Variants in LIMS2 observed in about 807,000 individuals in gnomAD.
The protein encoded by LIMS2 is LIM and senescent cell antigen-like-containing domain protein 2.
In LIMS2, 30 loss-of-function variants were observed where a neutral mutation model predicts 45.3. The observed-to-expected ratio is 0.66, with a 90% CI of 0.50 to 0.90. The LOEUF (loss-of-function observed/expected upper bound fraction) is 0.90, where lower values mean the gene tolerates loss of function less well. LIMS2 is among the 40% of genes least tolerant of loss of function. LIMS2 has a pLI of 0.00. For missense variants in LIMS2, 485 were observed against 468.7 expected, an observed-to-expected ratio of 1.03 and a Z score of -0.32; for synonymous variants, 173 against 188.0, an observed-to-expected ratio of 0.92 and a Z score of 0.65.
chr2:127,641,741 G>T, intron 6 of LIMS2: 1 of 307,828 alleles, frequency 3.2e-6, no homozygotes, highest in Non-Finnish European at 6.1e-6. Flanking sequence ...CAACCCCCAG[G>T]CACTCTGGAC....
At chr2:127,645,218 A>G (rs1682835576) in intron 4 of LIMS2, among the ~76,000 whole-genome samples, 1 of 152,202 alleles carries the variant, frequency 6.6e-6, no homozygotes, top group African/African-American at 2.4e-5. Flanking sequence ...TGGGGCAATA[A>G]TCCCAGCTGC....
chr2:127,661,676 C>G (rs1379780212), intron 1 of LIMS2, among the ~76,000 whole-genome samples: 1 of 152,202 alleles, frequency 6.6e-6, no homozygotes, highest in Non-Finnish European at 1.5e-5. Flanking sequence ...CATGCCCTTC[C>G]TCAGCCCTCT....
intron 9 of LIMS2, 48 bp downstream of exon 9, chr2:127,640,022 A>T (rs879129822): frequency 6.3e-7 from 1 of 1,579,898 alleles, no homozygotes. Context: ...AAGGACCTGC[A>T]GGAGCCCCCT....
intron 4 of LIMS2, chr2:127,650,864 C>A: frequency 6.2e-7 from 1 of 1,614,154 alleles, no homozygotes; most frequent in South Asian, 1.1e-5. Context: ...TGGATTTTAT[C>A]CTGGCTTTAG....
At chr2:127,650,034 C>G (rs1393566300) in intron 4 of LIMS2, 2 of 1,608,928 alleles carry the variant, frequency 1.2e-6, no homozygotes, top group African/African-American at 2.7e-5. Context: ...AGTTGGTGGG[C>G]TGGATCCAGA....
chr2:127,661,537 A>C (rs1404369950), intron 1 of LIMS2, among the ~76,000 whole-genome samples: 7 of 152,190 alleles, frequency 4.6e-5, no homozygotes, highest in Non-Finnish European at 1.0e-4. Context: ...GATAGAGAGC[A>C]CAGAGTCTGT....
At chr2:127,670,753 G>A (rs1200576111) in intron 1 of LIMS2, among the ~76,000 whole-genome samples, 1 of 152,308 alleles carries the variant, frequency 6.6e-6, no homozygotes, top group Non-Finnish European at 1.5e-5. Context: ...CCTGGGGCAC[G>A]TGCCCTCAGC....
chr2:127,645,542 G>T (rs143827904), intron 4 of LIMS2, among the ~76,000 whole-genome samples: 1 of 152,198 alleles, frequency 6.6e-6, no homozygotes. Context: ...GCGAGCACCC[G>T]GCCTCTGAGC....
At chr2:127,645,416 C>T (rs1230654416) in intron 4 of LIMS2, among the ~76,000 whole-genome samples, 1 of 152,214 alleles carries the variant, frequency 6.6e-6, no homozygotes, top group African/African-American at 2.4e-5. Context: ...TTCACTCAGT[C>T]TCAGAGGCGG....
intron 4 of LIMS2, among the ~76,000 whole-genome samples, chr2:127,649,086 AAAAAGAAAAAAG>A (rs1290358348): frequency 4.8e-5 from 7 of 146,904 alleles, no homozygotes; most frequent in East Asian, 2.0e-4. Flanking sequence ...AAGAAAAGAA[AAAAAGAAAAAAG>A]AAAAGAAAAA....
rs1191827095 is a variant in LIMS2, at chr2:127,643,665, T to G, written c.360-593A>C. The G allele has an allele frequency of 8.9e-6, 4 of 450,514 alleles. No homozygotes were observed. The East Asian group carries it at 2.8e-4, about 32-fold the overall frequency. The allele number at this position is 450,514 out of a possible 1,614,324, so 27.9% of individuals were successfully genotyped here. ...ATAATTTCTGATGCTACTCGCTGTG[T>G]TGGACGACAGCTGTGTTCTCAACGG... is the stretch of plus-strand genomic sequence containing the variant. On this transcript the variant is annotated intron_variant, in intron 4 of 9. Transcript: ENST00000355119.
chr2:127,667,749 A>G lies in LIMS2; in HGVS notation c.11+7265T>C, dbSNP rs11687070. ...ATAGCTAACATCATACTTAGTGATG[A>G]GAAAATGAATGCTTTCCTCCTAAGG... On this transcript the variant is annotated intron_variant, in intron 1 of 9. Transcript: ENST00000355119. This position sits in a 1 kb window ranked among gnomAD's most constrained non-coding sequence, Gnocchi z 4.1. Among the ~76,000 whole-genome samples the G allele has an allele frequency of 0.12, 18,219 of 152,308 alleles. 1,308 individuals carry two copies. The highest frequency in any genetic ancestry group is 0.24 in the South Asian group (1,140 of 4,822).
upstream of LIMS2, among the ~76,000 whole-genome samples, chr2:127,677,097 G>A (rs1451080159): frequency 2.0e-5 from 3 of 152,236 alleles, no homozygotes; most frequent in African/African-American, 7.2e-5. This position sits in a 1 kb window ranked among gnomAD's most constrained non-coding sequence, Gnocchi z 5.0. Context: ...TGTGGGCATG[G>A]CTTAGCCCTG....
intron 4 of LIMS2, chr2:127,651,066 T>C: frequency 6.2e-7 from 1 of 1,613,820 alleles, no homozygotes; most frequent in Non-Finnish European, 8.5e-7. Context: ...CGGCTTCCTC[T>C]TCTACCTCAA....
chr2:127,649,149 G>C (rs1225129879), intron 4 of LIMS2, among the ~76,000 whole-genome samples: 3 of 96,860 alleles, frequency 3.1e-5, no homozygotes, highest in Non-Finnish European at 6.9e-5. Context: ...AAAGCGAAGT[G>C]AGAGAGAGAG....
intron 4 of LIMS2, among the ~76,000 whole-genome samples, chr2:127,648,499 A>G (rs998954528): frequency 6.6e-6 from 1 of 151,738 alleles, no homozygotes. Flanking sequence ...TCTCCTCCAT[A>G]TGAGGATGGC....
In LIMS2 at chr2:127,640,082, T is replaced by G; in HGVS notation, c.866A>C (p.Lys289Thr). The change falls in exon 9 of 10, where the codon AAG becomes ACG. Residue 289 changes from lysine to threonine, a missense_variant. Coordinates refer to ENST00000355119, the MANE Select transcript of LIMS2 (RefSeq NM_001161403.3). ...SCFSCSTCNS[K>T]LTLKNKFVEF... Reference sequence around the variant, plus strand: ...CACAGGGACTCACTTCAGGGTGAGCTTGCTGTTGCAGGTGGAGCAGGAGAA... The same window carrying G: ...CACAGGGACTCACTTCAGGGTGAGCGTGCTGTTGCAGGTGGAGCAGGAGAA... The G allele has an allele frequency of 6.2e-7, 1 of 1,613,500 alleles. No homozygotes were observed.
Position 127,639,258 on chromosome 2 carries a change from GAGGCAGCTGCGCAAGAGGGCCTTC to G in LIMS2, c.1025_*22del. The G allele has an allele frequency of 3.1e-6, 5 of 1,611,156 alleles. No individual in the cohort carries two copies. The South Asian group carries it at 5.5e-5, about 18-fold the overall frequency. On this transcript the variant is annotated stop_lost and 3_prime_UTR_variant, in exon 10 of 10. Transcript: ENST00000355119. ...GGAGGGGAGAAGGCGGAGGGGCCGA[GAGGCAGCTGCGCAAGAGGGCCTTC>G]AGGCAGAGTTGAGGTCTGTGGCCTT...
At chr2:127,650,431 C>T (rs1395246149) in intron 4 of LIMS2, 1 of 546,232 alleles carries the variant, frequency 1.8e-6, no homozygotes, top group Non-Finnish European at 3.2e-6. Context: ...ACCCGGTCCT[C>T]CCAGCTCTGA....
Sources: gnomAD v4.1 joint callset for allele counts (sites outside exome capture counted in the v4.1 genomes callset) on GRCh38, gnomAD v4.1.1 for gene constraint, Gnocchi (gnomAD v3.1) non-coding constraint, MANE v1.5 for transcripts, NCBI Gene and HGNC (gene_info 2026-07-23, HGNC 2026-07-21) for gene names.